PPHLN1: variants seen among roughly 807,000 people sequenced by gnomAD.
The protein encoded by PPHLN1 is periphilin 1.
Under a neutral mutation model 51.3 loss-of-function variants are expected in PPHLN1, and 29 were observed. That is an observed-to-expected ratio of 0.57 (90% confidence interval 0.42 to 0.77). The LOEUF (loss-of-function observed/expected upper bound fraction) is 0.77, where lower values mean the gene tolerates loss of function less well. Among genes scored for constraint, PPHLN1 ranks in the 30% least tolerant of loss-of-function variants. The pLI is 0.00. For missense variants in PPHLN1, 436 were observed against 438.4 expected (o/e 0.99, Z 0.05); for synonymous variants, 147 against 147.8 (o/e 0.99, Z 0.04).
intron 1 of PPHLN1, among the ~76,000 whole-genome samples, chr12:42,326,868 C>A (rs893158851): frequency 1.3e-5 from 2 of 152,184 alleles, no homozygotes; most frequent in Admixed American, 1.3e-4. Context: ...GGCCTCTAAC[C>A]ACTCCCTGGG....
At chr12:42,378,743 T>C (rs893341580) in intron 5 of PPHLN1, among the ~76,000 whole-genome samples, 2 of 152,144 alleles carry the variant, frequency 1.3e-5, no homozygotes, top group African/African-American at 2.4e-5. Context: ...TACACACACA[T>C]TTAATTAAAT....
intron 2 of PPHLN1, among the ~76,000 whole-genome samples, chr12:42,336,803 G>A (rs560112305): frequency 1.3e-5 from 2 of 152,244 alleles, no homozygotes; most frequent in South Asian, 2.1e-4. Flanking sequence ...AGGGACTAAG[G>A]TTGTGGTGAT....
intron 1 of PPHLN1, among the ~76,000 whole-genome samples, chr12:42,331,228 C>T (rs556546718): frequency 1.6e-4 from 25 of 152,170 alleles, no homozygotes; most frequent in African/African-American, 4.3e-4. Flanking sequence ...ATATAAAAAG[C>T]GAAGGAATGA....
At chr12:42,446,104 C>A (rs936108258), downstream of PPHLN1, 4 of 1,554,544 alleles carry the variant, frequency 2.6e-6, no homozygotes, top group African/African-American at 5.5e-5. Flanking sequence ...CCCTGCAGCC[C>A]CGGAAGAAAC....
At chr12:42,448,358 A>ATTTTTTTTTTTTTT (rs34304769), downstream of PPHLN1, 1 of 131,600 alleles carries the variant, frequency 7.6e-6, no homozygotes, top group Non-Finnish European at 1.6e-5. Context: ...AATCTATTTG[A>ATTTTTTTTTTTTTT]TTTTTTTTTT....
Position 42,441,377 on chromosome 12 carries a change from T to G in PPHLN1, c.972T>G (p.Pro324=), listed in dbSNP as rs2082942395. Residue 324 remains proline, a synonymous_variant, in exon 10 of 10, where the codon CCT becomes CCG. Transcript: ENST00000358314. The part of the protein sequence containing the change: ...MVVKMLIEKD[P]SLEKSIQFAL... Reference sequence around the variant, plus strand: ...TGAAAATGCTGATTGAAAAAGATCCTTCATTAGAAAAGTCTATACAGTTTG... The same window carrying G: ...TGAAAATGCTGATTGAAAAAGATCCGTCATTAGAAAAGTCTATACAGTTTG... 1 of 1,613,840 alleles carries G rather than the reference T, an allele frequency of 6.2e-7. No individual in the cohort carries two copies. Among genetic ancestry groups the G allele is most frequent in the South Asian group, 1.1e-5 (1 of 91,012 alleles).
rs575292712 is a variant in PPHLN1, at chr12:42,388,388, A to G, written c.648+853A>G. Among the ~76,000 whole-genome samples the G allele has an allele frequency of 2.0e-5, 3 of 152,294 alleles. No homozygotes were observed. The South Asian group carries it at 6.2e-4, about 32-fold the overall frequency. On this transcript the variant is annotated intron_variant, in intron 7 of 9. Transcript: ENST00000358314. ...GCGGAGAGAAACATAAATCTGGCCTACTTGCACATCCAGGCATAGTACCTC... is the reference window on the plus strand; with the variant it reads ...GCGGAGAGAAACATAAATCTGGCCTGCTTGCACATCCAGGCATAGTACCTC...
intron 1 of PPHLN1, chr12:42,329,837 T>C (rs936222729): frequency 6.6e-6 from 1 of 151,962 alleles, no homozygotes; most frequent in Non-Finnish European, 1.5e-5. Flanking sequence ...GACGAGAGAC[T>C]GAGAAAAGAA....
downstream of PPHLN1, chr12:42,445,156 A>G (rs145918432): frequency 0.013 from 9,166 of 701,324 alleles, 1,000 homozygotes; most frequent in Admixed American, 0.17. Flanking sequence ...TTTATCACAC[A>G]TATTTGAGCC....
chr12:42,441,214 C>T (rs151164973), intron 9 of PPHLN1, 101 bp from the exon 10 acceptor site: 8 of 1,408,176 alleles, frequency 5.7e-6, no homozygotes, highest in East Asian at 2.4e-5. Flanking sequence ...TTTTGTGTCT[C>T]TCTTTTAGAT....
chr12:42,374,300 A>G (rs2076050269), intron 4 of PPHLN1, among the ~76,000 whole-genome samples: 1 of 152,210 alleles, frequency 6.6e-6, no homozygotes. Flanking sequence ...CTAAAATAAA[A>G]TAACTTTTGC....
intron 9 of PPHLN1, among the ~76,000 whole-genome samples, chr12:42,434,817 C>T (rs1279515918): frequency 6.6e-6 from 1 of 152,144 alleles, no homozygotes; most frequent in Non-Finnish European, 1.5e-5. Context: ...CCTCACCCTC[C>T]CCAGTAGCTG....
At chr12:42,326,775 A>G (rs750599533) in intron 1 of PPHLN1, among the ~76,000 whole-genome samples, 36 of 152,200 alleles carry the variant, frequency 2.4e-4, no homozygotes, top group Non-Finnish European at 4.6e-4. Flanking sequence ...CTAAGAGGCC[A>G]TAACATGCCC....
At chr12:42,425,711 T>C (rs2081398314) in intron 9 of PPHLN1, among the ~76,000 whole-genome samples, 1 of 152,242 alleles carries the variant, frequency 6.6e-6, no homozygotes, top group African/African-American at 2.4e-5. Context: ...AAATGACTTT[T>C]ATTTTTAAAA....
intron 9 of PPHLN1, among the ~76,000 whole-genome samples, chr12:42,417,946 T>TG (rs1313224289): frequency 1.8e-5 from 2 of 111,246 alleles, no homozygotes; most frequent in East Asian, 4.8e-4. Context: ...TTTTTTTGTT[T>TG]TTTTTTTTTT....
chr12:42,418,759 T>C (rs1224951814), intron 9 of PPHLN1, among the ~76,000 whole-genome samples: 1 of 152,196 alleles, frequency 6.6e-6, no homozygotes, highest in Non-Finnish European at 1.5e-5. Flanking sequence ...TAATAACTTA[T>C]CACAATTATA....
At chr12:42,384,103 A>G (rs2076996768) in intron 5 of PPHLN1, among the ~76,000 whole-genome samples, 1 of 151,972 alleles carries the variant, frequency 6.6e-6, no homozygotes, top group African/African-American at 2.4e-5. Context: ...CCAGAGAAAG[A>G]TAGTGAATAA....
chr12:42,437,573 T>C (rs372732412), intron 9 of PPHLN1, among the ~76,000 whole-genome samples: 71 of 152,310 alleles, frequency 4.7e-4, no homozygotes, highest in African/African-American at 1.6e-3. Context: ...TGCAAGAGCA[T>C]AGAGAGTTCT....
intron 2 of PPHLN1, among the ~76,000 whole-genome samples, chr12:42,349,952 G>T (rs1358415415): frequency 6.6e-6 from 1 of 152,104 alleles, no homozygotes; most frequent in Non-Finnish European, 1.5e-5. Flanking sequence ...TGGCCCGGCA[G>T]AGGGGCTCCT....
Sources: allele counts gnomAD v4.1 joint callset (sites outside exome capture counted in the v4.1 genomes callset), GRCh38; gene constraint gnomAD v4.1.1; transcripts MANE v1.5; gene names NCBI Gene and HGNC (gene_info 2026-07-23, HGNC 2026-07-21).